The following ZRSR2 variants were observed in gnomAD, a reference collection of about 807,000 sequenced individuals.
The protein encoded by ZRSR2 is zinc finger CCCH-type, RNA binding motif and serine/arginine rich 2.
ZRSR2 carries 3 observed loss-of-function variants against 39.4 expected under a neutral mutation model. The ratio of observed to expected loss-of-function variants is 0.08; its 90% CI spans 0.03 to 0.20. The LOEUF (loss-of-function observed/expected upper bound fraction) is 0.20. Ranked by LOEUF, ZRSR2 falls within the 10% of genes least tolerant of loss-of-function variation. The probability of loss-of-function intolerance (pLI) is 1.00; values close to 1 mark genes in which losing one functional copy is unlikely to be tolerated. For synonymous variants in ZRSR2, 137 were observed against 136.0 expected (o/e 1.01, Z -0.05); for missense variants, 256 against 391.5 (o/e 0.65, Z 2.92).
intron 9 of ZRSR2, 78 bp from the exon 10 acceptor site, chrX:15,820,129 C>A (rs1037766191): frequency 2.4e-6 from 2 of 821,028 alleles, no homozygotes; most frequent in Non-Finnish European, 1.8e-6. Context: ...AAATTAATAA[C>A]GGGGTTAATT....
At chrX:15,820,485 C>T (rs765930890) in intron 10 of ZRSR2, among the ~76,000 whole-genome samples, 169 bp downstream of exon 10, 3 of 111,705 alleles carry the variant, frequency 2.7e-5, no homozygotes, top group African/African-American at 6.5e-5. Flanking sequence ...GATCTGTAAC[C>T]GACCTCAATG....
rs756988773 is a variant in ZRSR2, at chrX:15,814,553, C to T, written c.558-1124C>T. Among the ~76,000 whole-genome samples, 116 of 112,152 alleles carry T rather than the reference C, an allele frequency of 1.0e-3. 1 individual carries two copies. In the Middle Eastern group the frequency reaches 0.018, roughly 18 times the overall value. Reference sequence around the variant, plus strand: ...CTGAGGCAGAAGGATCACTTGAGCCCGGGGAATTCAAGGTTGCAGTGAAGT... The same window carrying T: ...CTGAGGCAGAAGGATCACTTGAGCCTGGGGAATTCAAGGTTGCAGTGAAGT... On this transcript the variant is annotated intron_variant, in intron 7 of 10. Transcript: ENST00000307771.
Position 15,815,739 on chromosome X carries a change from C to T in ZRSR2, c.620C>T (p.Thr207Met), listed in dbSNP as rs748284834. Reference protein sequence around the residue: ...SPTLLIKSMFTTFGMEQCRRD... With the variant: ...SPTLLIKSMFMTFGMEQCRRD... ...ACCCTTCTTATTAAGAGCATGTTTACGACGTTTGGAATGGAGCAGTGCAGG... is the reference window on the plus strand; with the variant it reads ...ACCCTTCTTATTAAGAGCATGTTTATGACGTTTGGAATGGAGCAGTGCAGG... The change falls in exon 8 of 11, where the codon ACG (threonine) becomes ATG (methionine). Residue 207 changes from threonine to methionine, a missense_variant. Physicochemically the swap from Thr to Met is moderately conservative, Grantham distance 81. Coordinates refer to ENST00000307771, the MANE Select transcript of ZRSR2 (RefSeq NM_005089.4). The T allele has an allele frequency of 6.6e-6, 8 of 1,208,822 alleles. No individual in the cohort carries two copies. The African/African-American group carries it at 7.0e-5, about 11-fold the overall frequency.
Position 15,823,084 on chromosome X carries a change from A to G in ZRSR2, c.1291A>G (p.Arg431Gly). The change falls in exon 11 of 11, where the codon AGG becomes GGG. Residue 431 changes from arginine (R) to glycine (G), a missense_variant. Coordinates refer to ENST00000307771, the MANE Select transcript of ZRSR2 (RefSeq NM_005089.4). Reference protein sequence around the residue: ...RSRGRNRDRSRDRSRGRGSRS... With the variant: ...RSRGRNRDRSGDRSRGRGSRS... ...CAGAGGAAGAAATAGGGACCGCAGC[A>G]GGGACCGCAGCCGGGGCCGGGGCAG... 6 of 1,209,148 alleles carry G rather than the reference A, an allele frequency of 5.0e-6. No individual in the cohort carries two copies. The highest frequency in any genetic ancestry group is 6.7e-6 in the Non-Finnish European group (6 of 894,021).
At chrX:15,792,277 C>G (rs1043031455) in intron 2 of ZRSR2, among the ~76,000 whole-genome samples, 14 of 111,858 alleles carry the variant, frequency 1.3e-4, no homozygotes, top group East Asian at 5.7e-4. Flanking sequence ...ACAAGATTAG[C>G]TGGGCTTGGT....
intron 7 of ZRSR2, among the ~76,000 whole-genome samples, chrX:15,810,318 A>G (rs1932860257): frequency 8.9e-6 from 1 of 112,086 alleles, no homozygotes; most frequent in Non-Finnish European, 1.9e-5. Context: ...TTAATGAACA[A>G]CTTAAAGTAG....
Position 15,820,263 on chromosome X carries a change from G to A in ZRSR2, c.884G>A (p.Arg295Gln), listed in dbSNP as rs746675804. The A allele has an allele frequency of 3.3e-6, 4 of 1,211,735 alleles. No individual in the cohort carries two copies. The highest frequency in any genetic ancestry group is 4.5e-6 in the Non-Finnish European group (4 of 895,343). ...SLFNGRWYAGRQLQCEFCPVT... is the reference protein window; with the variant it reads ...SLFNGRWYAGQQLQCEFCPVT... ...TTTAACGGACGATGGTATGCAGGAC[G>A]ACAGCTGCAGTGTGAATTCTGCCCC... is the stretch of plus-strand genomic sequence containing the variant. The change falls in exon 10 of 11, where the codon CGA (arginine) becomes CAA (glutamine). Residue 295 changes from arginine to glutamine, a missense_variant. Arg to Gln is a conservative substitution (Grantham distance 43, BLOSUM62 1). Coordinates refer to ENST00000307771, the MANE Select transcript of ZRSR2 (RefSeq NM_005089.4).
rs1270324599 is a variant in ZRSR2, at chrX:15,807,583, C to CATTGTGAG, written c.400-650_400-649insATTGTGAG. Among the ~76,000 whole-genome samples the CATTGTGAG allele has an allele frequency of 3.0e-3, 331 of 110,093 alleles. 1 individual carries two copies. Among genetic ancestry groups the CATTGTGAG allele is most frequent in the Non-Finnish European group, 5.1e-3 (271 of 52,692 alleles). Reference sequence around the variant, plus strand: ...AGGATTATAGGTGTGAGCCACCATGCCCGGCCTAGCATTGTGTTTTATATT... The same window carrying CATTGTGAG: ...AGGATTATAGGTGTGAGCCACCATGCATTGTGAGCCGGCCTAGCATTGTGTTTTATATT... On this transcript the variant is annotated intron_variant, in intron 5 of 10. Coordinates refer to ENST00000307771, the MANE Select transcript of ZRSR2 (RefSeq NM_005089.4).
intron 8 of ZRSR2, among the ~76,000 whole-genome samples, chrX:15,817,410 TC>T (rs1204022262): frequency 1.8e-5 from 2 of 111,805 alleles, no homozygotes; most frequent in Non-Finnish European, 3.8e-5. Flanking sequence ...AATTATAGAT[TC>T]ATTTTGAACA....
At chrX:15,813,529 T>C (rs1436165368) in intron 7 of ZRSR2, among the ~76,000 whole-genome samples, 1 of 112,186 alleles carries the variant, frequency 8.9e-6, no homozygotes, top group Admixed American at 9.4e-5. Context: ...TACACTTAGA[T>C]TATAAGGACT....
At chrX:15,799,143 G>A (rs966163087) in intron 2 of ZRSR2, among the ~76,000 whole-genome samples, 11 of 102,786 alleles carry the variant, frequency 1.1e-4, no homozygotes, top group Middle Eastern at 0.01. Context: ...CCAAGATCGC[G>A]CCATTGCACT....
chrX:15,794,266 G>A (rs1185295260), intron 2 of ZRSR2, among the ~76,000 whole-genome samples: 1 of 110,939 alleles, frequency 9.0e-6, no homozygotes, highest in African/African-American at 3.3e-5. Context: ...TGCTCAACCT[G>A]TATAATACCA....
chrX:15,809,182 C>T lies in ZRSR2; in HGVS notation c.439-18C>T. On this transcript the variant is annotated intron_variant, in intron 6 of 10. Transcript: ENST00000307771. ...TGGGTTTTTACTCCACCAGTAAAGT[C>T]ATGGTTATTTTCAACAGTTGGAAAA... The T allele has an allele frequency of 8.9e-7, 1 of 1,125,222 alleles. No homozygotes were observed. Among genetic ancestry groups the T allele is most frequent in the Non-Finnish European group, 1.2e-6 (1 of 817,046 alleles). The allele number at this position is 1,125,222 out of a possible 1,213,427, so 92.7% of individuals were successfully genotyped here.
At chrX:15,791,817 C>T (rs745414877) in intron 2 of ZRSR2, among the ~76,000 whole-genome samples, 1 of 110,399 alleles carries the variant, frequency 9.1e-6, no homozygotes, top group African/African-American at 3.3e-5. Flanking sequence ...CAACCACACC[C>T]GGCTAATTTT....
At chrX:15,798,174 A>G (rs1381441723) in intron 2 of ZRSR2, among the ~76,000 whole-genome samples, 2 of 112,636 alleles carry the variant, frequency 1.8e-5, no homozygotes, top group South Asian at 3.6e-4. Context: ...GCCTTCAGTT[A>G]GAACTGTACT....
intron 8 of ZRSR2, 60 bp from the exon 9 acceptor site, chrX:15,818,527 G>A: frequency 9.6e-7 from 1 of 1,042,743 alleles, no homozygotes; most frequent in Non-Finnish European, 1.3e-6. Flanking sequence ...AACAACATTT[G>A]ATGAATGGCT....
At chrX:15,814,076 CA>C (rs11426665) in intron 7 of ZRSR2, among the ~76,000 whole-genome samples, 45 of 70,559 alleles carry the variant, frequency 6.4e-4, no homozygotes, top group Admixed American at 6.9e-4. Flanking sequence ...CTCCCCTCGC[CA>C]AAAAAAAAAA....
chrX:15,803,844 T>C (rs1480770478), intron 4 of ZRSR2, 48 bp downstream of exon 4: 1 of 1,164,777 alleles, frequency 8.6e-7, no homozygotes. Context: ...TACTTCACCA[T>C]AATAACTCTC....
chrX:15,814,730 T>G (rs1354931465), intron 7 of ZRSR2, among the ~76,000 whole-genome samples: 2 of 111,994 alleles, frequency 1.8e-5, no homozygotes, highest in Admixed American at 9.5e-5. Flanking sequence ...TATGACTGAC[T>G]TGGGCAAGTG....
Sources: gnomAD v4.1 joint callset for allele counts (sites outside exome capture counted in the v4.1 genomes callset) on GRCh38, gnomAD v4.1.1 for gene constraint, MANE v1.5 for transcripts, NCBI Gene and HGNC (gene_info 2026-07-23, HGNC 2026-07-21) for gene names.